STK32B: variants seen among roughly 807,000 people sequenced by gnomAD.
STK32B encodes serine/threonine kinase 32B.
A neutral mutation model predicts 52.6 loss-of-function variants in STK32B; 43 were observed. The observed-to-expected ratio is 0.82, with a 90% confidence interval of 0.64 to 1.05. The LOEUF (loss-of-function observed/expected upper bound fraction) is 1.05. STK32B is among the 50% of genes least tolerant of loss of function. The pLI is 0.00. For synonymous variants in STK32B, 238 were observed against 204.3 expected (o/e 1.17, Z -1.41); for missense variants, 621 against 534.6 (o/e 1.16, Z -1.59).
At chr4:5,317,311 C>CATAACAT (rs1731110151) in intron 3 of STK32B, among the ~76,000 whole-genome samples, 1 of 24,060 alleles carries the variant, frequency 4.2e-5, no homozygotes, top group African/African-American at 2.6e-4. Flanking sequence ...TAATATATAA[C>CATAACAT]ATATGTATAA....
At chr4:5,351,019 G>A (rs1279308055) in intron 4 of STK32B, among the ~76,000 whole-genome samples, 1 of 151,960 alleles carries the variant, frequency 6.6e-6, no homozygotes. Context: ...AATAACAGTT[G>A]GGGACTTTAA....
intron 1 of STK32B, among the ~76,000 whole-genome samples, chr4:5,139,353 G>A (rs1716266610): frequency 6.6e-6 from 1 of 152,188 alleles, no homozygotes; most frequent in Non-Finnish European, 1.5e-5. Flanking sequence ...ATACAGCCAA[G>A]GCTAGAGACA....
intron 7 of STK32B, among the ~76,000 whole-genome samples, chr4:5,448,151 C>T (rs1435355665): frequency 6.6e-6 from 1 of 152,216 alleles, no homozygotes; most frequent in African/African-American, 2.4e-5. Context: ...CAACAATTTT[C>T]TGCTCTTGAT....
chr4:5,371,597 G>T (rs920804195), intron 4 of STK32B, among the ~76,000 whole-genome samples: 1 of 152,282 alleles, frequency 6.6e-6, no homozygotes, highest in Admixed American at 6.5e-5. Flanking sequence ...CTGAAGGGGA[G>T]GTGGGAGGCT....
At chr4:5,444,181 C>T (rs986051820) in intron 6 of STK32B, among the ~76,000 whole-genome samples, 7 of 152,186 alleles carry the variant, frequency 4.6e-5, no homozygotes, top group South Asian at 2.1e-4. Context: ...TGGGCAATGG[C>T]GGGCGCCCCT....
At chr4:5,038,455 T>C in the STK32B span, among the ~76,000 whole-genome samples, 1 of 152,322 alleles carries the variant, frequency 6.6e-6, no homozygotes, top group East Asian at 1.9e-4. Context: ...TCATAGAGAA[T>C]ACTTACACAG....
intron 3 of STK32B, among the ~76,000 whole-genome samples, chr4:5,232,414 C>T (rs1246396616): frequency 6.6e-6 from 1 of 152,206 alleles, no homozygotes; most frequent in African/African-American, 2.4e-5. Flanking sequence ...ATCACAGACA[C>T]TGCTAATGCA....
chr4:5,160,475 C>T (rs1466951167), intron 2 of STK32B, among the ~76,000 whole-genome samples: 1 of 152,138 alleles, frequency 6.6e-6, no homozygotes, highest in African/African-American at 2.4e-5. Context: ...TCCCCCTCCC[C>T]ACACCTCTGT....
intron 2 of STK32B, among the ~76,000 whole-genome samples, chr4:5,144,976 G>A (rs534328182): frequency 6.6e-6 from 1 of 152,304 alleles, no homozygotes; most frequent in South Asian, 2.1e-4. Context: ...AGTCCACTCT[G>A]AAAAGCATGG....
At chr4:5,438,100 G>GC in intron 6 of STK32B, 1 of 985,542 alleles carries the variant, frequency 1.0e-6, no homozygotes, top group South Asian at 4.7e-5. Flanking sequence ...GAACACCTCG[G>GC]CACACACAGC....
At chr4:5,295,104 T>G (rs1729113955) in intron 3 of STK32B, among the ~76,000 whole-genome samples, 1 of 152,190 alleles carries the variant, frequency 6.6e-6, no homozygotes, top group Non-Finnish European at 1.5e-5. Context: ...TGAACCAGCC[T>G]TGCATCCCAG....
At chr4:5,193,193 C>T (rs1277858874) in intron 3 of STK32B, among the ~76,000 whole-genome samples, 2 of 152,152 alleles carry the variant, frequency 1.3e-5, no homozygotes, top group African/African-American at 4.8e-5. Context: ...CTCTCTGAAC[C>T]TGACCCTTAA....
the STK32B span, among the ~76,000 whole-genome samples, chr4:5,035,692 G>T: frequency 1.7e-4 from 26 of 152,248 alleles, no homozygotes; most frequent in South Asian, 5.4e-3. Context: ...CATACTCAAC[G>T]AGCTGAAGGA....
At chr4:5,341,080 A>T (rs748570381) in intron 4 of STK32B, among the ~76,000 whole-genome samples, 2 of 152,174 alleles carry the variant, frequency 1.3e-5, no homozygotes, top group South Asian at 4.1e-4. Flanking sequence ...TTCAAATTGC[A>T]CTGAACTGTT....
At chr4:5,050,039 C>G (rs761116614), upstream of STK32B, among the ~76,000 whole-genome samples, 18 of 152,156 alleles carry the variant, frequency 1.2e-4, no homozygotes, top group African/African-American at 4.3e-4. Context: ...CAGAATGAAA[C>G]CTGGGTAGAA....
At chr4:5,353,200 A>G (rs372989850) in intron 4 of STK32B, among the ~76,000 whole-genome samples, 7 of 152,334 alleles carry the variant, frequency 4.6e-5, no homozygotes, top group African/African-American at 1.7e-4. Context: ...ACTGTATATC[A>G]TATGCAGAAG....
At chr4:5,385,329 G>C (rs367963490) in intron 4 of STK32B, among the ~76,000 whole-genome samples, 1 of 152,066 alleles carries the variant, frequency 6.6e-6, no homozygotes, top group African/African-American at 2.4e-5. Flanking sequence ...ATGGGGGGAT[G>C]TGCCTGTGTT....
intron 1 of STK32B, among the ~76,000 whole-genome samples, chr4:5,074,182 A>G (rs1237394704): frequency 1.1e-5 from 1 of 89,384 alleles, no homozygotes; most frequent in South Asian, 3.9e-4. Flanking sequence ...ATTTGTAAAT[A>G]TATATATGTG....
chr4:5,499,397 A>C lies in STK32B; in HGVS notation c.*314A>C, dbSNP rs1382020751. On this transcript the variant is annotated 3_prime_UTR_variant, in exon 12 of 12. Coordinates refer to ENST00000282908, the MANE Select transcript of STK32B (RefSeq NM_018401.3). ...AGGTAGGAAACATGAAAAACCTTTG[A>C]TATTTATAAAATCATTTTTACGTGC... 2.9e-5 allele frequency: 9 copies of C among 310,772 alleles called. No homozygotes were observed. Among genetic ancestry groups the C allele is most frequent in the Non-Finnish European group, 5.2e-5 (9 of 171,436 alleles). The allele number at this position is 310,772 out of a possible 1,614,324, so 19.3% of individuals were successfully genotyped here.
Sources: gnomAD v4.1 joint callset for allele counts (sites outside exome capture counted in the v4.1 genomes callset) on GRCh38, gnomAD v4.1.1 for gene constraint, MANE v1.5 for transcripts, NCBI Gene and HGNC (gene_info 2026-07-23, HGNC 2026-07-21) for gene names.